The following CADM2 variants were observed in gnomAD, a reference collection of about 807,000 sequenced individuals.
CADM2 encodes the protein cell adhesion molecule 2.
In CADM2, 12 loss-of-function variants were observed where a neutral mutation model predicts 49.8. The observed-to-expected ratio is 0.24, with a 90% CI of 0.15 to 0.39. The LOEUF (loss-of-function observed/expected upper bound fraction) is 0.39, where lower values mean the gene tolerates loss of function less well. Among genes scored for constraint, CADM2 ranks in the 10% least tolerant of loss-of-function variants. The probability of loss-of-function intolerance (pLI) is 1.00; values close to 1 mark genes in which losing one functional copy is unlikely to be tolerated. For missense variants in CADM2, 378 were observed against 492.3 expected (o/e 0.77, Z 2.20); for synonymous variants, 214 against 175.4 (o/e 1.22, Z -1.74).
intron 2 of CADM2, among the ~76,000 whole-genome samples, chr3:85,743,555 A>G (rs1284184667): frequency 1.3e-5 from 2 of 152,202 alleles, no homozygotes; most frequent in Non-Finnish European, 1.5e-5. Flanking sequence ...CTGTCCATCT[A>G]TCCTCCTGCC....
chr3:85,641,683 T>C (rs1444661665), intron 1 of CADM2, among the ~76,000 whole-genome samples: 1 of 151,740 alleles, frequency 6.6e-6, no homozygotes, highest in East Asian at 1.9e-4. Flanking sequence ...TCCCAGCACT[T>C]TGGGAGGCTG....
chr3:85,496,787 T>G (rs1309662196), intron 1 of CADM2, among the ~76,000 whole-genome samples: 1 of 152,182 alleles, frequency 6.6e-6, no homozygotes, highest in Non-Finnish European at 1.5e-5. Flanking sequence ...ATGTCTCTGA[T>G]GATTAGTGGT....
rs564040325 is a variant in CADM2, at chr3:85,270,731, A to G, written c.61+311063A>G. Among the ~76,000 whole-genome samples the G allele has an allele frequency of 1.0e-3, 155 of 151,382 alleles. 1 individual carries two copies. The highest frequency in any genetic ancestry group is 3.4e-3 in the Middle Eastern group (1 of 294). ...CATTGTTTGTCCAAGGGCATAAAAAAGCTCACTATTAAGTAGAACACTTAT... is the reference window on the plus strand; with the variant it reads ...CATTGTTTGTCCAAGGGCATAAAAAGGCTCACTATTAAGTAGAACACTTAT... On this transcript the variant is annotated intron_variant, in intron 1 of 9. Coordinates refer to ENST00000383699, the MANE Select transcript of CADM2 (RefSeq NM_001167675.2).
chr3:85,620,145 A>G (rs1414088826), intron 1 of CADM2, among the ~76,000 whole-genome samples: 5 of 152,152 alleles, frequency 3.3e-5, no homozygotes, highest in African/African-American at 9.7e-5. Context: ...CCAGAGTGAC[A>G]TATTCACATG....
chr3:85,492,891 G>A (rs1437009254), intron 1 of CADM2, among the ~76,000 whole-genome samples: 2 of 152,120 alleles, frequency 1.3e-5, no homozygotes, highest in South Asian at 2.1e-4. Context: ...GTCAAGAATG[G>A]TAGGATTTGG....
At chr3:85,318,638 C>T (rs1290003168) in intron 1 of CADM2, among the ~76,000 whole-genome samples, 1 of 152,138 alleles carries the variant, frequency 6.6e-6, no homozygotes, top group Non-Finnish European at 1.5e-5. Flanking sequence ...TAGGGATTCA[C>T]TTCACATATG....
chr3:85,755,494 C>T (rs559256631), intron 2 of CADM2, among the ~76,000 whole-genome samples: 2 of 152,108 alleles, frequency 1.3e-5, no homozygotes, highest in South Asian at 4.1e-4. Flanking sequence ...TACTGAGACA[C>T]TTCATTACTT....
intron 8 of CADM2, among the ~76,000 whole-genome samples, chr3:86,036,030 C>T (rs1735112034): frequency 6.6e-6 from 1 of 152,090 alleles, no homozygotes; most frequent in South Asian, 2.1e-4. Context: ...GATCGACCTT[C>T]ATGATCTCAT....
intron 1 of CADM2, among the ~76,000 whole-genome samples, chr3:85,668,329 CACAA>C (rs989765277): frequency 2.4e-5 from 3 of 126,526 alleles, no homozygotes; most frequent in African/African-American, 6.2e-5. Context: ...CAAAAACAAA[CACAA>C]ACAAACAAAA....
At chr3:85,361,881 T>C (rs890938206) in intron 1 of CADM2, among the ~76,000 whole-genome samples, 28 of 152,198 alleles carry the variant, frequency 1.8e-4, no homozygotes, top group African/African-American at 6.5e-4. Flanking sequence ...TGTGGATAGA[T>C]GGCCATCTCG....
intron 1 of CADM2, among the ~76,000 whole-genome samples, chr3:85,247,650 A>G (rs960700878): frequency 3.9e-5 from 6 of 152,170 alleles, no homozygotes; most frequent in Admixed American, 2.6e-4. Context: ...GGAGCTGCGA[A>G]TTGACTTGGA....
chr3:85,702,796 C>T (rs537938393), intron 1 of CADM2, among the ~76,000 whole-genome samples: 1 of 152,250 alleles, frequency 6.6e-6, no homozygotes, highest in South Asian at 2.1e-4. Context: ...TTGCTCATGA[C>T]TTTCAGCATA....
At chr3:85,423,089 T>G (rs1001037376) in intron 1 of CADM2, among the ~76,000 whole-genome samples, 6 of 152,010 alleles carry the variant, frequency 3.9e-5, no homozygotes, top group African/African-American at 1.2e-4. Flanking sequence ...GGAGAGGGGA[T>G]GGAGTGGGAA....
chr3:85,540,973 T>G (rs2061525411), intron 1 of CADM2, among the ~76,000 whole-genome samples: 1 of 152,084 alleles, frequency 6.6e-6, no homozygotes, highest in Non-Finnish European at 1.5e-5. Flanking sequence ...CCACCTTTCT[T>G]TTTTTACTTA....
At chr3:85,796,080 T>G (rs1329704178) in intron 2 of CADM2, among the ~76,000 whole-genome samples, 2 of 152,354 alleles carry the variant, frequency 1.3e-5, no homozygotes, top group Non-Finnish European at 2.9e-5. Context: ...TTTTTCCACT[T>G]ATTTAAAGAA....
chr3:84,969,457 C>G (rs2031253521), intron 1 of CADM2, among the ~76,000 whole-genome samples: 1 of 150,988 alleles, frequency 6.6e-6, no homozygotes, highest in South Asian at 2.1e-4. Context: ...CTATATAAAA[C>G]TTCGTATATT....
intron 1 of CADM2, among the ~76,000 whole-genome samples, chr3:85,722,544 C>T (rs559142156): frequency 1.8e-4 from 27 of 152,124 alleles, no homozygotes; most frequent in Non-Finnish European, 2.8e-4. Context: ...GCATAAATAC[C>T]AGTAATGTCC....
intron 6 of CADM2, among the ~76,000 whole-genome samples, chr3:85,914,424 T>G (rs546355360): frequency 6.6e-6 from 1 of 152,262 alleles, no homozygotes; most frequent in Admixed American, 6.5e-5. Context: ...TTTTTCTGTT[T>G]CTTTTTCTTA....
At chr3:85,392,561 T>A (rs2034567368) in intron 1 of CADM2, among the ~76,000 whole-genome samples, 1 of 152,090 alleles carries the variant, frequency 6.6e-6, no homozygotes, top group African/African-American at 2.4e-5. Context: ...TCCTCCTAAT[T>A]CTAATAACAC....
Sources: allele counts gnomAD v4.1 joint callset (sites outside exome capture counted in the v4.1 genomes callset), GRCh38; gene constraint gnomAD v4.1.1; transcripts MANE v1.5; gene names NCBI Gene and HGNC (gene_info 2026-07-23, HGNC 2026-07-21).